The following HECW1 variants were observed in gnomAD, a reference collection of about 807,000 sequenced individuals.
The protein encoded by HECW1 is E3 ubiquitin-protein ligase HECW1.
A neutral mutation model predicts 182.3 loss-of-function variants in HECW1; 61 were observed. The ratio of observed to expected loss-of-function variants is 0.33; its 90% CI spans 0.27 to 0.41. The LOEUF (loss-of-function observed/expected upper bound fraction) is 0.41, where lower values mean the gene tolerates loss of function less well. HECW1 is among the 10% of genes least tolerant of loss of function. HECW1 has a pLI of 1.00. For missense variants in HECW1, 1,739 were observed against 2,108.9 expected (o/e 0.82, Z 3.44); for synonymous variants, 859 against 832.6 (o/e 1.03, Z -0.55).
chr7:43,357,154 T>A (rs868199646), intron 5 of HECW1, among the ~76,000 whole-genome samples: 4 of 152,140 alleles, frequency 2.6e-5, no homozygotes, highest in Non-Finnish European at 5.9e-5. Flanking sequence ...ACAGCCACTA[T>A]GAAAAACTAA....
intron 6 of HECW1, among the ~76,000 whole-genome samples, chr7:43,367,198 T>G (rs898255027): frequency 2.0e-4 from 30 of 152,352 alleles, no homozygotes; most frequent in African/African-American, 6.5e-4. Flanking sequence ...TTTGGGAAAG[T>G]GACATGGCAT....
chr7:43,180,997 C>G (rs1792804929), intron 2 of HECW1, among the ~76,000 whole-genome samples: 1 of 152,094 alleles, frequency 6.6e-6, no homozygotes, highest in South Asian at 2.1e-4. Context: ...CCTCATTCCT[C>G]TCTCTCCCCT....
intron 3 of HECW1, chr7:43,274,664 C>A (rs113881026): frequency 9.6e-5 from 26 of 270,076 alleles, no homozygotes; most frequent in South Asian, 2.6e-4. Flanking sequence ...AGAGAGAGAG[C>A]GAGAGAGAGC....
At chr7:43,130,572 G>A (rs1786803515) in intron 2 of HECW1, among the ~76,000 whole-genome samples, 1 of 152,120 alleles carries the variant, frequency 6.6e-6, no homozygotes, top group Non-Finnish European at 1.5e-5. Flanking sequence ...TCGCACTTCA[G>A]TACTCAACAG....
chr7:43,488,438 A>AAGAAAGAAAGAAAG (rs2078774497), intron 17 of HECW1, among the ~76,000 whole-genome samples: 1 of 110,674 alleles, frequency 9.0e-6, no homozygotes, highest in African/African-American at 3.7e-5. Flanking sequence ...AAGAAAGAGA[A>AAGAAAGAAAGAAAG]AGAAAGAAAG....
chr7:43,428,903 T>C (rs2076443382), intron 8 of HECW1, among the ~76,000 whole-genome samples: 1 of 152,066 alleles, frequency 6.6e-6, no homozygotes, highest in Non-Finnish European at 1.5e-5. Context: ...TACATATGGA[T>C]ATAAATATAG....
At chr7:43,207,390 G>A (rs1348490971) in intron 2 of HECW1, among the ~76,000 whole-genome samples, 2 of 152,082 alleles carry the variant, frequency 1.3e-5, no homozygotes, top group African/African-American at 2.4e-5. Flanking sequence ...TACATTCGTG[G>A]TGTACAAAGT....
chr7:43,429,021 A>T (rs888166660), intron 8 of HECW1, among the ~76,000 whole-genome samples: 2 of 150,388 alleles, frequency 1.3e-5, no homozygotes, highest in African/African-American at 4.9e-5. Context: ...ATAATATACA[A>T]ATTTTACATA....
chr7:43,465,782 T>A (rs1299672276), intron 14 of HECW1, among the ~76,000 whole-genome samples: 1 of 152,006 alleles, frequency 6.6e-6, no homozygotes, highest in African/African-American at 2.4e-5. Context: ...TCGCAGCTAC[T>A]CAGCAGGCTG....
intron 7 of HECW1, among the ~76,000 whole-genome samples, chr7:43,401,828 G>A (rs961940136): frequency 1.1e-4 from 17 of 151,622 alleles, no homozygotes; most frequent in Admixed American, 2.6e-4. Flanking sequence ...TCCTGTTTTC[G>A]CACCCAAATG....
chr7:43,539,302 C>T (rs1350324695), intron 24 of HECW1, among the ~76,000 whole-genome samples: 2 of 152,156 alleles, frequency 1.3e-5, no homozygotes, highest in African/African-American at 4.8e-5. Flanking sequence ...CCACCCTTTT[C>T]TGATTTCTGG....
rs1808596578 is a variant in HECW1, at chr7:43,312,050, A to G, written c.315A>G (p.Glu105=). 3.1e-6 allele frequency: 5 copies of G among 1,614,268 alleles called. No homozygotes were observed. The East Asian group carries it at 1.1e-4, about 36-fold the overall frequency. The change falls in exon 4 of 30, where the codon GAA becomes GAG. Residue 105 remains glutamate (E), a synonymous_variant. Coordinates refer to ENST00000395891, the MANE Select transcript of HECW1 (RefSeq NM_015052.5). The part of the protein sequence containing the change: ...DLVIHWDIKE[E]VDAGDWIGMY... ...TCATCCACTGGGACATAAAGGAGGA[A>G]GTGGACGCTGGGGACTGGATTGGCA... is the stretch of plus-strand genomic sequence containing the variant.
At position 43,444,519 on chromosome 7, in the gene HECW1, C is replaced by T; in HGVS notation, c.1347C>T (p.Ile449=). 6.2e-7 allele frequency: 1 copy of T among 1,611,470 alleles called. No individual in the cohort carries two copies. The highest frequency in any genetic ancestry group is 8.5e-7 in the Non-Finnish European group (1 of 1,178,958). The change falls in exon 11 of 30, where the codon ATC becomes ATT. Residue 449 remains isoleucine (I), a synonymous_variant. Coordinates refer to ENST00000395891, the MANE Select transcript of HECW1 (RefSeq NM_015052.5). This position sits in a 1 kb window ranked among gnomAD's most constrained non-coding sequence, Gnocchi z 4.3. ...TCCTGGCCCAGGTGCAAAAGGACAT[C>T]CAGCCTGCCCCCAGTGCAGAAGAGC... ...GELLAQVQKD[I]QPAPSAEELA... is the part of the protein sequence containing the mutation.
At chr7:43,375,544 T>C (rs1032545197) in intron 6 of HECW1, among the ~76,000 whole-genome samples, 8 of 152,134 alleles carry the variant, frequency 5.3e-5, no homozygotes, top group African/African-American at 1.9e-4. Flanking sequence ...GTATGGCTTA[T>C]TGCACCAATT....
intron 8 of HECW1, among the ~76,000 whole-genome samples, chr7:43,430,720 T>C (rs2076518838): frequency 6.6e-6 from 1 of 151,724 alleles, no homozygotes; most frequent in Admixed American, 6.6e-5. Context: ...TTTGATTACA[T>C]GGTTATGGGC....
intron 10 of HECW1, among the ~76,000 whole-genome samples, 156 bp downstream of exon 10, chr7:43,442,785 G>C (rs886275391): frequency 4.6e-5 from 7 of 152,186 alleles, no homozygotes; most frequent in Non-Finnish European, 8.8e-5. Flanking sequence ...ATCTATTCTG[G>C]AAGCCAGGTT....
intron 3 of HECW1, among the ~76,000 whole-genome samples, chr7:43,263,924 A>C (rs1346510314): frequency 6.6e-6 from 1 of 152,248 alleles, no homozygotes; most frequent in Non-Finnish European, 1.5e-5. Context: ...ATAAAAATGC[A>C]CAAATCTCTA....
chr7:43,261,394 A>G (rs943327207), intron 3 of HECW1, among the ~76,000 whole-genome samples: 3 of 152,090 alleles, frequency 2.0e-5, no homozygotes, highest in African/African-American at 4.8e-5. Context: ...TATGACTTCC[A>G]TGTCTTCCTC....
At chr7:43,543,577 G>C (rs1212797397) in intron 26 of HECW1, among the ~76,000 whole-genome samples, 1 of 151,890 alleles carries the variant, frequency 6.6e-6, no homozygotes, top group Non-Finnish European at 1.5e-5. Flanking sequence ...TCAGGAGTTC[G>C]AGACCAGCCT....
Sources: gnomAD v4.1 joint callset for allele counts (sites outside exome capture counted in the v4.1 genomes callset) on GRCh38, gnomAD v4.1.1 for gene constraint, Gnocchi (gnomAD v3.1) non-coding constraint, MANE v1.5 for transcripts, NCBI Gene and HGNC (gene_info 2026-07-23, HGNC 2026-07-21) for gene names.